Variants in WFDC8 observed in about 807,000 individuals in gnomAD.
WFDC8 encodes the protein WAP four-disulfide core domain protein 8.
WFDC8 carries 24 observed loss-of-function variants against 27.0 expected under a neutral mutation model. The observed-to-expected ratio is 0.89, with a 90% CI of 0.64 to 1.25. The LOEUF (loss-of-function observed/expected upper bound fraction) is 1.25, where lower values mean the gene tolerates loss of function less well. Among genes scored for constraint, WFDC8 ranks in the 50% most tolerant of loss-of-function variants. WFDC8 has a pLI of 0.00. For missense variants in WFDC8, 287 were observed against 295.9 expected (o/e 0.97, Z 0.22); for synonymous variants, 106 against 99.7 (o/e 1.06, Z -0.38).
At chr20:45,552,402 T>TAC (rs1417507734) in intron 5 of WFDC8, among the ~76,000 whole-genome samples, 1 of 152,222 alleles carries the variant, frequency 6.6e-6, no homozygotes. Context: ...AGGATTCCTG[T>TAC]CTGCTCCTAC....
intron 1 of WFDC8, among the ~76,000 whole-genome samples, chr20:45,572,649 C>T (rs1340604156): frequency 6.6e-6 from 1 of 152,174 alleles, no homozygotes; most frequent in Non-Finnish European, 1.5e-5. Context: ...CTCTGTCACC[C>T]AGGCTGGAGT....
intron 3 of WFDC8, among the ~76,000 whole-genome samples, chr20:45,558,440 T>TA (rs1183368535): frequency 6.6e-6 from 1 of 152,200 alleles, no homozygotes; most frequent in Non-Finnish European, 1.5e-5. Flanking sequence ...TGAATCTTTT[T>TA]AAAAAACACA....
chr20:45,568,139 C>A, intron 1 of WFDC8: 1 of 355,894 alleles, frequency 2.8e-6, no homozygotes, highest in South Asian at 3.1e-5. Flanking sequence ...TCTCCATTTC[C>A]ACTACCCAAT....
chr20:45,563,221 A>G (rs1393334979), intron 1 of WFDC8, among the ~76,000 whole-genome samples: 2 of 152,202 alleles, frequency 1.3e-5, no homozygotes, highest in East Asian at 1.9e-4. Flanking sequence ...GACCCCAAAC[A>G]TAGTGATCTT....
In WFDC8 at chr20:45,553,276, AC is replaced by A; in HGVS notation, c.446-1del. The A allele has an allele frequency of 6.2e-7, 1 of 1,612,570 alleles. No homozygotes were observed. Among genetic ancestry groups the A allele is most frequent in the Non-Finnish European group, 8.5e-7 (1 of 1,179,180 alleles). Reference sequence around the variant, plus strand: ...GAAGAGTGGGCATTGTCCATCCTTAACTAAAATAAGAGCAGATGTGAGCTTC... The same window carrying A: ...GAAGAGTGGGCATTGTCCATCCTTAATAAAATAAGAGCAGATGTGAGCTTC... On this transcript the variant is annotated splice_acceptor_variant, in intron 4 of 5. Coordinates refer to ENST00000289953, the MANE Select transcript of WFDC8 (RefSeq NM_130896.3). LOFTEE classifies it high-confidence loss of function.
chr20:45,571,788 T>C (rs182740178), intron 1 of WFDC8, among the ~76,000 whole-genome samples: 5 of 152,256 alleles, frequency 3.3e-5, no homozygotes, highest in Non-Finnish European at 7.3e-5. Context: ...TCTTCATCCA[T>C]GTTATTGCAA....
chr20:45,565,416 A>C (rs898713437), intron 1 of WFDC8, among the ~76,000 whole-genome samples: 1 of 152,122 alleles, frequency 6.6e-6, no homozygotes, highest in African/African-American at 2.4e-5. Context: ...TGATTATTAA[A>C]CTACATATTT....
At chr20:45,568,614 T>G (rs1980764145) in intron 1 of WFDC8, 2 of 530,866 alleles carry the variant, frequency 3.8e-6, no homozygotes, top group Non-Finnish European at 7.7e-6. Flanking sequence ...ATTCCTGAAT[T>G]CAGTGCGGAC....
intron 1 of WFDC8, among the ~76,000 whole-genome samples, chr20:45,571,615 C>T (rs959606273): frequency 1.3e-5 from 2 of 152,170 alleles, no homozygotes; most frequent in African/African-American, 4.8e-5. Context: ...CAACATCTTC[C>T]CTTTCCCCAT....
At chr20:45,567,851 A>C (rs931797849) in intron 1 of WFDC8, 2 of 156,750 alleles carry the variant, frequency 1.3e-5, no homozygotes, top group African/African-American at 4.8e-5. Context: ...TTAGAGACAG[A>C]ACCTCACTCT....
chr20:45,572,562 TAAACCTATTG>T (rs1319729705), intron 1 of WFDC8, among the ~76,000 whole-genome samples: 1 of 152,208 alleles, frequency 6.6e-6, no homozygotes, highest in Non-Finnish European at 1.5e-5. Context: ...CATTTTCTCA[TAAACCTATTG>T]GCTATTTGAA....
intron 5 of WFDC8, 36 bp downstream of exon 5, chr20:45,553,100 C>A: frequency 6.3e-7 from 1 of 1,591,908 alleles, no homozygotes; most frequent in East Asian, 2.2e-5. Flanking sequence ...TTGGCACATG[C>A]CCAATAGATT....
At chr20:45,578,963 C>T (rs927765242) in intron 1 of WFDC8, among the ~76,000 whole-genome samples, 1 of 151,980 alleles carries the variant, frequency 6.6e-6, no homozygotes, top group African/African-American at 2.4e-5. Flanking sequence ...AAAACTTAGC[C>T]GAGCGTGGTG....
At chr20:45,554,804 C>T (rs1032824467) in intron 4 of WFDC8, among the ~76,000 whole-genome samples, 18 of 152,186 alleles carry the variant, frequency 1.2e-4, no homozygotes, top group Non-Finnish European at 2.4e-4. Context: ...AAAATTCCAC[C>T]TCTACTCCTG....
At chr20:45,556,841 AC>A (rs1481553882) in intron 3 of WFDC8, among the ~76,000 whole-genome samples, 1 of 152,218 alleles carries the variant, frequency 6.6e-6, no homozygotes. Flanking sequence ...ATTTTACACG[AC>A]AACCAATGAT....
chr20:45,560,413 C>T (rs565925548), intron 2 of WFDC8, among the ~76,000 whole-genome samples: 13 of 152,308 alleles, frequency 8.5e-5, no homozygotes, highest in African/African-American at 3.1e-4. Flanking sequence ...CCCAGATGCA[C>T]AATGCCAGAC....
intron 1 of WFDC8, among the ~76,000 whole-genome samples, chr20:45,562,588 G>A (rs1035611203): frequency 6.6e-6 from 1 of 152,186 alleles, no homozygotes; most frequent in Non-Finnish European, 1.5e-5. Flanking sequence ...AGACACTAGT[G>A]AGCATCTTTT....
Position 45,551,980 on chromosome 20 carries a change from C to T in WFDC8, c.*46G>A, listed in dbSNP as rs57094822. The T allele has an allele frequency of 6.3e-3, 10,036 of 1,600,872 alleles. 389 individuals are homozygous for T. The African/African-American group carries it at 0.079, about 13-fold the overall frequency. ...ACAAAACTGACAGCTCTTTATCATG[C>T]TACTCATAATTAATGATTTTGATGA... On this transcript the variant is annotated 3_prime_UTR_variant, in exon 6 of 6. Transcript: ENST00000289953.
intron 1 of WFDC8, among the ~76,000 whole-genome samples, chr20:45,572,245 A>C (rs1980893738): frequency 6.6e-6 from 1 of 151,966 alleles, no homozygotes; most frequent in African/African-American, 2.4e-5. Context: ...AAAATACAAA[A>C]AAGTAGCCGG....
Sources: allele counts gnomAD v4.1 joint callset (sites outside exome capture counted in the v4.1 genomes callset), GRCh38; gene constraint gnomAD v4.1.1; transcripts MANE v1.5; gene names NCBI Gene and HGNC (gene_info 2026-07-23, HGNC 2026-07-21).